The following MEGF9 variants were observed in gnomAD, a reference collection of about 807,000 sequenced individuals.
MEGF9 encodes multiple EGF like domains 9, also known as multiple epidermal growth factor-like domains protein 9.
Under a neutral mutation model 46.8 loss-of-function variants are expected in MEGF9, and 6 were observed. The observed-to-expected ratio is 0.13, with a 90% CI of 0.07 to 0.25. The LOEUF is 0.25. Ranked by LOEUF, MEGF9 falls within the 10% of genes least tolerant of loss-of-function variation. MEGF9 has a pLI of 1.00. For synonymous variants in MEGF9, 302 were observed against 330.7 expected (o/e 0.91, Z 0.94); for missense variants, 683 against 792.4 (o/e 0.86, Z 1.66).
rs753023311 is a variant in MEGF9, at chr9:120,713,924, C to G, written c.435G>C (p.Pro145=). 3.9e-5 allele frequency: 52 copies of G among 1,341,868 alleles called. No individual in the cohort carries two copies. The highest frequency in any genetic ancestry group is 4.9e-5 in the Non-Finnish European group (51 of 1,041,798). 83.1% of individuals were successfully genotyped at this position (1,341,868 alleles called of 1,614,324 possible). A position where few individuals can be genotyped will look rare whatever the true frequency, so the allele number is the denominator to read the frequency against. ...GGCCAGTGGTCGTCGAAAGGGTGGT[C>G]GGCGCGGGTCTGGTCGGCGCCTGAG... ...TTSQAPTRPA[P]TTLSTTTGPA... The change falls in exon 1 of 6, where the codon CCG becomes CCC. Residue 145 remains proline (P), a synonymous_variant. Transcript: ENST00000373930.
intron 2 of MEGF9, among the ~76,000 whole-genome samples, chr9:120,637,721 G>A (rs1394485309): frequency 7.6e-6 from 1 of 131,476 alleles, no homozygotes; most frequent in African/African-American, 2.8e-5. Context: ...AACCCGGGAG[G>A]CAGAAGTTGC....
chr9:120,695,730 T>TGG (rs148379688), intron 1 of MEGF9, among the ~76,000 whole-genome samples: 3,570 of 151,516 alleles, frequency 0.024, 145 homozygotes, highest in African/African-American at 0.083. Context: ...AGAAAGGGTG[T>TGG]GGGTAGACAC....
intron 1 of MEGF9, among the ~76,000 whole-genome samples, chr9:120,679,846 G>T (rs1299415266): frequency 6.6e-6 from 1 of 150,664 alleles, no homozygotes; most frequent in African/African-American, 2.4e-5. Context: ...GCTGAGGCAG[G>T]AGAATCACCT....
chr9:120,660,478 C>T (rs1349735674), intron 1 of MEGF9, among the ~76,000 whole-genome samples: 1 of 152,164 alleles, frequency 6.6e-6, no homozygotes, highest in Non-Finnish European at 1.5e-5. Flanking sequence ...TTATTGACCA[C>T]AGTCTATCTG....
At chr9:120,689,318 G>C (rs1242893985) in intron 1 of MEGF9, among the ~76,000 whole-genome samples, 1 of 152,158 alleles carries the variant, frequency 6.6e-6, no homozygotes, top group Non-Finnish European at 1.5e-5. Flanking sequence ...AGAGAGCATA[G>C]TACTATAGAG....
At chr9:120,631,489 T>A (rs1478806198) in intron 2 of MEGF9, among the ~76,000 whole-genome samples, 6 of 150,284 alleles carry the variant, frequency 4.0e-5, no homozygotes, top group Admixed American at 1.3e-4. Context: ...TTGATTGCAT[T>A]TTTTTTTTTT....
At chr9:120,694,902 C>T (rs1314279740) in intron 1 of MEGF9, among the ~76,000 whole-genome samples, 1 of 151,168 alleles carries the variant, frequency 6.6e-6, no homozygotes, top group Admixed American at 6.6e-5. Context: ...TTCCCATTCA[C>T]ATTCAAAGGC....
chr9:120,643,685 C>T (rs1024181573), intron 2 of MEGF9, among the ~76,000 whole-genome samples: 14 of 151,762 alleles, frequency 9.2e-5, no homozygotes, highest in Non-Finnish European at 1.9e-4. Context: ...ATTCATCCAG[C>T]TTCCACTAAT....
rs1394848565 is a variant in MEGF9 at position 120,685,996 on chromosome 9, T to C, written c.602-26421A>G. 3.3e-5 allele frequency among the ~76,000 whole-genome samples: 5 copies of C among 152,110 alleles called. No homozygotes were observed. In the East Asian group the frequency reaches 7.7e-4, roughly 23 times the overall value. ...ACAACAAATACTCCATGATTCCACT[T>C]ATGAAGTATCTAAAGTAGTCAAATT... On this transcript the variant is annotated intron_variant, in intron 1 of 5. Transcript: ENST00000373930.
At chr9:120,659,821 A>C (rs951564096) in intron 1 of MEGF9, among the ~76,000 whole-genome samples, 1 of 134,062 alleles carries the variant, frequency 7.5e-6, no homozygotes, top group Non-Finnish European at 1.6e-5. Context: ...GTGTGTGTGT[A>C]TTATTAGTTT....
chr9:120,679,570 A>C (rs752015660), intron 1 of MEGF9, among the ~76,000 whole-genome samples: 7 of 152,042 alleles, frequency 4.6e-5, no homozygotes, highest in Non-Finnish European at 7.4e-5. Flanking sequence ...ACATGTATAC[A>C]TATGTGACAA....
At chr9:120,639,528 A>AAG (rs2043593105) in intron 2 of MEGF9, among the ~76,000 whole-genome samples, 1 of 151,332 alleles carries the variant, frequency 6.6e-6, no homozygotes, top group African/African-American at 2.4e-5. Context: ...AAAAAAAAAA[A>AAG]AAAAAGATAG....
At chr9:120,638,537 G>C (rs2132312131) in intron 2 of MEGF9, among the ~76,000 whole-genome samples, 1 of 152,256 alleles carries the variant, frequency 6.6e-6, no homozygotes, top group East Asian at 1.9e-4. Context: ...GTAGTCAGTA[G>C]GCAATATTTG....
At chr9:120,667,940 G>A (rs931852935) in intron 1 of MEGF9, among the ~76,000 whole-genome samples, 7 of 152,270 alleles carry the variant, frequency 4.6e-5, no homozygotes, top group Admixed American at 3.9e-4. Context: ...CAGGAGAATC[G>A]CTTAAACCTG....
chr9:120,667,147 C>T (rs1259514609), intron 1 of MEGF9, among the ~76,000 whole-genome samples: 2 of 151,994 alleles, frequency 1.3e-5, no homozygotes, highest in Non-Finnish European at 2.9e-5. Context: ...GGAAGGATGC[C>T]TTGGTGTCCC....
chr9:120,607,915 T>C lies in MEGF9; in HGVS notation c.1183A>G (p.Ser395Gly), dbSNP rs766739203. 82 of 1,613,904 alleles carry C rather than the reference T, an allele frequency of 5.1e-5. No homozygotes were observed. The highest frequency in any genetic ancestry group is 6.4e-5 in the Non-Finnish European group (76 of 1,179,898). The change falls in exon 5 of 6, where the codon AGC becomes GGC. Residue 395 changes from serine to glycine, a missense_variant. Around this residue, in one of 2 missense-constraint regions of MEGF9, gnomAD observed 313 missense variants for 421.1 expected, o/e 0.74. Coordinates refer to ENST00000373930, the MANE Select transcript of MEGF9 (RefSeq NM_001080497.3). ...KCENGYYNFD[S>G]ICRKCQCHGH... ...TGACATTGGCACTTTCTACAGATGC[T>C]GTCAAAATTGTAATAGCCATTTTCA...
At chr9:120,650,815 T>C (rs1372981605) in intron 2 of MEGF9, among the ~76,000 whole-genome samples, 2 of 152,080 alleles carry the variant, frequency 1.3e-5, no homozygotes, top group Non-Finnish European at 2.9e-5. Flanking sequence ...CACTGGAATT[T>C]TCATGTTTTT....
At chr9:120,706,406 T>C (rs1488655357) in intron 1 of MEGF9, among the ~76,000 whole-genome samples, 1 of 152,070 alleles carries the variant, frequency 6.6e-6, no homozygotes, top group South Asian at 2.1e-4. Context: ...GCATAAGGTA[T>C]GATAAATTTG....
chr9:120,697,065 A>C (rs1442837806), intron 1 of MEGF9, among the ~76,000 whole-genome samples: 1 of 152,184 alleles, frequency 6.6e-6, no homozygotes, highest in Non-Finnish European at 1.5e-5. Context: ...TCACATTTGC[A>C]AGTCTGATAC....
Sources: allele counts gnomAD v4.1 joint callset (sites outside exome capture counted in the v4.1 genomes callset), GRCh38; gene constraint gnomAD v4.1.1; regional missense constraint gnomAD v4.1.1; transcripts MANE v1.5; gene names NCBI Gene and HGNC (gene_info 2026-07-23, HGNC 2026-07-21).